The following NKAIN2 variants were observed in gnomAD, a reference collection of about 807,000 sequenced individuals.
The protein encoded by NKAIN2 is sodium/potassium transporting ATPase interacting 2.
A neutral mutation model predicts 32.6 loss-of-function variants in NKAIN2; 14 were observed. The observed-to-expected ratio is 0.43, with a 90% CI of 0.28 to 0.67. The LOEUF (loss-of-function observed/expected upper bound fraction) is 0.67, where lower values mean the gene tolerates loss of function less well. Ranked by LOEUF, NKAIN2 falls within the 30% of genes least tolerant of loss-of-function variation. NKAIN2 has a pLI of 0.17. For missense variants in NKAIN2, 198 were observed against 258.3 expected, an observed-to-expected ratio of 0.77 and a Z score of 1.60; for synonymous variants, 80 against 87.2, an observed-to-expected ratio of 0.92 and a Z score of 0.46.
intron 5 of NKAIN2, among the ~76,000 whole-genome samples, chr6:124,797,028 C>T (rs1244538453): frequency 1.3e-5 from 2 of 152,016 alleles, no homozygotes; most frequent in Admixed American, 1.3e-4. Flanking sequence ...TCACTTCATC[C>T]TCGGTTTTTC....
intron 1 of NKAIN2, among the ~76,000 whole-genome samples, chr6:123,833,841 G>A (rs953366601): frequency 1.2e-4 from 18 of 150,000 alleles, no homozygotes; most frequent in Admixed American, 8.7e-4. Context: ...AATTCTCCTG[G>A]CTCAGCCTCC....
At chr6:124,711,588 C>G (rs1222763526) in intron 4 of NKAIN2, among the ~76,000 whole-genome samples, 1 of 150,592 alleles carries the variant, frequency 6.6e-6, no homozygotes, top group African/African-American at 2.4e-5. Flanking sequence ...ATTGCTGATA[C>G]CCTTTCTTCC....
chr6:124,078,995 C>G (rs1783828277), intron 1 of NKAIN2, among the ~76,000 whole-genome samples: 1 of 151,274 alleles, frequency 6.6e-6, no homozygotes, highest in Non-Finnish European at 1.5e-5. Context: ...TCCTTATTAC[C>G]TGTATGTGTC....
intron 3 of NKAIN2, among the ~76,000 whole-genome samples, chr6:124,558,270 G>T (rs563121279): frequency 6.6e-6 from 1 of 152,290 alleles, no homozygotes; most frequent in Admixed American, 6.5e-5. Flanking sequence ...AGGTATTCAG[G>T]ACATCATGGG....
At chr6:124,791,207 C>T (rs1347600922) in intron 4 of NKAIN2, 132 bp from the exon 5 acceptor site, 1 of 559,242 alleles carries the variant, frequency 1.8e-6, no homozygotes, top group Non-Finnish European at 3.4e-6. Flanking sequence ...AGTCAAGGTC[C>T]AGTCCGATGA....
chr6:123,955,308 A>G (rs996021303), intron 1 of NKAIN2, among the ~76,000 whole-genome samples: 14 of 151,984 alleles, frequency 9.2e-5, no homozygotes, highest in African/African-American at 3.4e-4. Context: ...TTTATCATTA[A>G]TGGCTGATCA....
intron 3 of NKAIN2, chr6:124,391,052 T>C (rs1369561580): frequency 6.6e-6 from 1 of 152,176 alleles, no homozygotes; most frequent in East Asian, 1.9e-4. Context: ...AAATTTTTGC[T>C]TTCTTGCCCT....
At chr6:124,790,077 C>T (rs1387779221) in intron 4 of NKAIN2, among the ~76,000 whole-genome samples, 2 of 151,980 alleles carry the variant, frequency 1.3e-5, no homozygotes, top group Non-Finnish European at 2.9e-5. Flanking sequence ...CCTGTATTGT[C>T]CAGGAATGAC....
At chr6:124,312,332 G>T (rs568569346) in intron 2 of NKAIN2, among the ~76,000 whole-genome samples, 1 of 152,072 alleles carries the variant, frequency 6.6e-6, no homozygotes, top group African/African-American at 2.4e-5. Context: ...TGGAGATAGC[G>T]TCAGATCCCA....
chr6:124,738,420 CTTT>C (rs1777053150), intron 4 of NKAIN2, among the ~76,000 whole-genome samples: 1 of 151,762 alleles, frequency 6.6e-6, no homozygotes, highest in Admixed American at 6.6e-5. Context: ...AATATATATT[CTTT>C]ATCTTTATTC....
intron 3 of NKAIN2, among the ~76,000 whole-genome samples, chr6:124,497,236 G>A (rs868497384): frequency 6.6e-5 from 10 of 151,962 alleles, no homozygotes; most frequent in Admixed American, 2.6e-4. Context: ...TTTTACTTTT[G>A]TAAACATTTT....
In NKAIN2 at chr6:124,244,121, G is replaced by A. The variant is rs1582914177; in HGVS notation, c.55-38884G>A. 2.7e-5 allele frequency among the ~76,000 whole-genome samples: 4 copies of A among 150,184 alleles called. No homozygotes were observed. The South Asian group carries it at 8.4e-4, about 31-fold the overall frequency. Reference sequence around the variant, plus strand: ...TTTTTTTATTATACTTTAAGTTTTAGGGTACATGTGCACATTGTGCAGGTT... The same window carrying A: ...TTTTTTTATTATACTTTAAGTTTTAAGGTACATGTGCACATTGTGCAGGTT... On this transcript the variant is annotated intron_variant, in intron 1 of 6. Coordinates refer to ENST00000368417, the MANE Select transcript of NKAIN2 (RefSeq NM_001040214.3).
At chr6:123,889,641 TA>T (rs905702174) in intron 1 of NKAIN2, among the ~76,000 whole-genome samples, 1 of 152,170 alleles carries the variant, frequency 6.6e-6, no homozygotes, top group African/African-American at 2.4e-5. Context: ...AGAAAAGGTT[TA>T]TTTCAGGCCT....
intron 1 of NKAIN2, among the ~76,000 whole-genome samples, chr6:124,179,299 C>T (rs1334741949): frequency 6.6e-6 from 1 of 152,166 alleles, no homozygotes; most frequent in Non-Finnish European, 1.5e-5. Flanking sequence ...CAGACCTTTA[C>T]TGTCTCATTT....
At chr6:124,223,252 A>G (rs932561532) in intron 1 of NKAIN2, among the ~76,000 whole-genome samples, 13 of 151,082 alleles carry the variant, frequency 8.6e-5, no homozygotes, top group African/African-American at 1.9e-4. Flanking sequence ...GAAGAGACCA[A>G]TGAAGCTGTA....
intron 1 of NKAIN2, among the ~76,000 whole-genome samples, chr6:123,826,248 T>C (rs1314170122): frequency 6.6e-6 from 1 of 152,162 alleles, no homozygotes; most frequent in Non-Finnish European, 1.5e-5. Flanking sequence ...AATATAAAAA[T>C]ATAACTAGTT....
At chr6:124,589,358 C>T (rs1415238834) in intron 3 of NKAIN2, among the ~76,000 whole-genome samples, 1 of 152,140 alleles carries the variant, frequency 6.6e-6, no homozygotes, top group African/African-American at 2.4e-5. Context: ...ATTTACCGTT[C>T]TACCCTCAAT....
At chr6:124,530,852 A>G (rs1264801328) in intron 3 of NKAIN2, among the ~76,000 whole-genome samples, 1 of 152,220 alleles carries the variant, frequency 6.6e-6, no homozygotes, top group Admixed American at 6.5e-5. Flanking sequence ...GAAGGGTCGA[A>G]GAAAATGAAT....
chr6:123,875,927 A>T (rs1186915216), intron 1 of NKAIN2, among the ~76,000 whole-genome samples: 3 of 152,138 alleles, frequency 2.0e-5, no homozygotes, highest in African/African-American at 7.2e-5. Flanking sequence ...ATTAGTACAT[A>T]TCAAGTTCAT....
Sources: allele counts gnomAD v4.1 joint callset (sites outside exome capture counted in the v4.1 genomes callset), GRCh38; gene constraint gnomAD v4.1.1; transcripts MANE v1.5; gene names NCBI Gene and HGNC (gene_info 2026-07-23, HGNC 2026-07-21).